Variants in ZNG1A observed in about 807,000 individuals in gnomAD.
ZNG1A encodes the protein Zn regulated GTPase metalloprotein activator 1A.
chr9:163,707 A>C, the ZNG1A span, among the ~76,000 whole-genome samples: 1 of 151,794 alleles, frequency 6.6e-6, no homozygotes, highest in Admixed American at 6.6e-5. Flanking sequence ...ACCTGAAGTC[A>C]GGGGTTCAAG....
At chr9:166,409 T>C in the ZNG1A span, 4 of 151,260 alleles carry the variant, frequency 2.6e-5, no homozygotes, top group Non-Finnish European at 3.0e-5. Flanking sequence ...CAGCACCACA[T>C]AGAAGTTCTC....
At chr9:175,303 A>G in the ZNG1A span, among the ~76,000 whole-genome samples, 2 of 151,710 alleles carry the variant, frequency 1.3e-5, no homozygotes, top group African/African-American at 4.9e-5. Context: ...ACTTTAACCC[A>G]GGAGACAGAG....
At chr9:142,847 A>C in the ZNG1A span, among the ~76,000 whole-genome samples, 2 of 111,600 alleles carry the variant, frequency 1.8e-5, no homozygotes, top group Non-Finnish European at 3.5e-5. Flanking sequence ...CGCAATAAAA[A>C]ATGATAAAGG....
At chr9:143,707 G>T in the ZNG1A span, among the ~76,000 whole-genome samples, 1 of 123,246 alleles carries the variant, frequency 8.1e-6, no homozygotes, top group Non-Finnish European at 1.6e-5. Flanking sequence ...CAATTAGGCA[G>T]GAGAAGGAAA....
chr9:175,698 C>G, the ZNG1A span: 61 of 1,577,234 alleles, frequency 3.9e-5, 1 homozygote, highest in Non-Finnish European at 5.1e-5. Context: ...CTTTACTTAC[C>G]TTCCCCAAAT....
chr9:150,144 T>C, the ZNG1A span: 2 of 121,636 alleles, frequency 1.6e-5, no homozygotes, highest in Non-Finnish European at 3.4e-5. Flanking sequence ...TTTTTTTTTT[T>C]GAGACAGAGT....
chr9:154,502 G>A, the ZNG1A span: 1 of 583,856 alleles, frequency 1.7e-6, no homozygotes, highest in Non-Finnish European at 3.0e-6. Context: ...TATTAACTGT[G>A]AACTATATTC....
chr9:172,018 A>G, the ZNG1A span: 1 of 1,606,942 alleles, frequency 6.2e-7, no homozygotes, highest in East Asian at 2.2e-5. Context: ...ATATTCCTCT[A>G]ATACATCTAT....
the ZNG1A span, among the ~76,000 whole-genome samples, chr9:126,514 T>C: frequency 1.3e-5 from 2 of 152,126 alleles, no homozygotes; most frequent in Admixed American, 1.3e-4. Context: ...CATGGTAGCC[T>C]TGAATATCTT....
chr9:170,335 TTGTGTG>T, the ZNG1A span, among the ~76,000 whole-genome samples: 1 of 146,566 alleles, frequency 6.8e-6, no homozygotes, highest in Non-Finnish European at 1.5e-5. Flanking sequence ...ATGTACCTAC[TTGTGTG>T]TGTGTGTGTA....
the ZNG1A span, among the ~76,000 whole-genome samples, chr9:152,637 G>A: frequency 6.6e-6 from 1 of 151,862 alleles, no homozygotes; most frequent in Non-Finnish European, 1.5e-5. Context: ...CGTTATGCCT[G>A]TTCTCCCTCT....
At chr9:155,118 G>C in the ZNG1A span, among the ~76,000 whole-genome samples, 1 of 150,938 alleles carries the variant, frequency 6.6e-6, no homozygotes, top group African/African-American at 2.4e-5. Flanking sequence ...ACAATCAAAA[G>C]GATGATTTTA....
the ZNG1A span, among the ~76,000 whole-genome samples, chr9:144,639 A>G: frequency 6.6e-6 from 1 of 151,832 alleles, no homozygotes; most frequent in African/African-American, 2.4e-5. Context: ...GGCATGGGCA[A>G]GGACTTCATG....
the ZNG1A span, among the ~76,000 whole-genome samples, chr9:136,908 G>T: frequency 6.6e-6 from 1 of 151,190 alleles, no homozygotes; most frequent in Non-Finnish European, 1.5e-5. Context: ...GCCAGGCATG[G>T]GTGCAAGCCT....
chr9:177,531 T>G, the ZNG1A span, among the ~76,000 whole-genome samples: 1 of 151,418 alleles, frequency 6.6e-6, no homozygotes. Flanking sequence ...GAGGGAGCCT[T>G]AAAAAGAAGC....
At chr9:121,470 T>G in the ZNG1A span, 1 of 1,611,262 alleles carries the variant, frequency 6.2e-7, no homozygotes, top group African/African-American at 1.3e-5. Context: ...TCTAGTGTTA[T>G]GTACAAACTT....
chr9:146,024 A>G, the ZNG1A span: 3 of 1,221,074 alleles, frequency 2.5e-6, 1 homozygote, highest in African/African-American at 3.2e-5. Flanking sequence ...CATGGATGCA[A>G]TTGTGCACAT....
the ZNG1A span, among the ~76,000 whole-genome samples, chr9:141,025 G>A: frequency 7.2e-5 from 10 of 138,000 alleles, no homozygotes; most frequent in African/African-American, 2.8e-4. Flanking sequence ...AAGCCTCCAA[G>A]AAATATGGGA....
At chr9:125,901 T>C in the ZNG1A span, among the ~76,000 whole-genome samples, 5 of 53,132 alleles carry the variant, frequency 9.4e-5, 1 homozygote, top group African/African-American at 4.0e-4. Flanking sequence ...TTGGTCCATG[T>C]GACTATTTTT....
Sources: allele counts gnomAD v4.1 joint callset (sites outside exome capture counted in the v4.1 genomes callset), GRCh38; gene constraint gnomAD v4.1.1; transcripts MANE v1.5; gene names NCBI Gene and HGNC (gene_info 2026-07-23, HGNC 2026-07-21).